CCSER1: variants seen among roughly 807,000 people sequenced by gnomAD.
The protein encoded by CCSER1 is coiled-coil serine rich protein 1.
In CCSER1, 41 loss-of-function variants were observed where a neutral mutation model predicts 82.0. The observed-to-expected ratio is 0.50, with a 90% confidence interval of 0.39 to 0.65. The LOEUF is 0.65. Among genes scored for constraint, CCSER1 ranks in the 30% least tolerant of loss-of-function variants. CCSER1 has a pLI of 0.00. For missense variants in CCSER1, 1,119 were observed against 1,064.2 expected (o/e 1.05, Z -0.72); for synonymous variants, 414 against 383.9 (o/e 1.08, Z -0.92).
chr4:91,306,681 A>G (rs190458094), intron 10 of CCSER1, among the ~76,000 whole-genome samples: 2 of 152,128 alleles, frequency 1.3e-5, no homozygotes, highest in East Asian at 3.9e-4. Context: ...ATTCTAAAAT[A>G]TTTGTCAACA....
chr4:90,274,329 A>C (rs1727142063), intron 1 of CCSER1, among the ~76,000 whole-genome samples: 1 of 152,158 alleles, frequency 6.6e-6, no homozygotes, highest in African/African-American at 2.4e-5. Context: ...GAGTTGTGGA[A>C]TACTGGACTT....
At chr4:91,341,471 A>T (rs1413958220) in intron 10 of CCSER1, among the ~76,000 whole-genome samples, 3 of 152,240 alleles carry the variant, frequency 2.0e-5, no homozygotes, top group African/African-American at 7.2e-5. Context: ...TAGAGAAAAA[A>T]ATTGAATACA....
At chr4:90,913,911 T>C (rs964559452) in intron 8 of CCSER1, among the ~76,000 whole-genome samples, 1 of 152,132 alleles carries the variant, frequency 6.6e-6, no homozygotes, top group Non-Finnish European at 1.5e-5. Flanking sequence ...CATTACATAA[T>C]GGTAAAGGGA....
intron 9 of CCSER1, among the ~76,000 whole-genome samples, chr4:91,026,292 A>C (rs1018113721): frequency 1.3e-5 from 2 of 152,000 alleles, no homozygotes; most frequent in Non-Finnish European, 1.5e-5. Flanking sequence ...TTTTTCTCCT[A>C]TGTCCATTGT....
chr4:90,889,689 C>G (rs1201497248), intron 8 of CCSER1, among the ~76,000 whole-genome samples: 1 of 152,094 alleles, frequency 6.6e-6, no homozygotes, highest in African/African-American at 2.4e-5. Flanking sequence ...GAATATTATT[C>G]AGCCTTAAGA....
chr4:91,258,629 ATTAT>A (rs1371720267), intron 10 of CCSER1, among the ~76,000 whole-genome samples: 1 of 152,114 alleles, frequency 6.6e-6, no homozygotes, highest in Non-Finnish European at 1.5e-5. Context: ...AGATATTGTG[ATTAT>A]TTGAGTTTGT....
intron 10 of CCSER1, among the ~76,000 whole-genome samples, chr4:91,508,192 A>G (rs1383235991): frequency 7.6e-6 from 1 of 132,294 alleles, no homozygotes; most frequent in East Asian, 2.3e-4. Context: ...TGATCTTGGA[A>G]GAAGAATTTA....
chr4:91,292,378 G>T (rs984644248), intron 10 of CCSER1, among the ~76,000 whole-genome samples: 2 of 151,830 alleles, frequency 1.3e-5, no homozygotes, highest in African/African-American at 4.8e-5. Flanking sequence ...AAAATTCAGG[G>T]TTCTGTTTTT....
At chr4:90,245,435 AG>A (rs1313729732) in intron 1 of CCSER1, among the ~76,000 whole-genome samples, 1 of 152,110 alleles carries the variant, frequency 6.6e-6, no homozygotes, top group Non-Finnish European at 1.5e-5. Flanking sequence ...TAGGATCTTT[AG>A]GCTTCCTTCT....
chr4:90,299,038 C>T (rs184386813), intron 1 of CCSER1, among the ~76,000 whole-genome samples: 87 of 152,088 alleles, frequency 5.7e-4, no homozygotes, highest in African/African-American at 1.7e-3. Context: ...AAGATTGTAT[C>T]TGGCTGAGTA....
chr4:90,463,229 T>C (rs1345239910), intron 4 of CCSER1, among the ~76,000 whole-genome samples: 1 of 152,190 alleles, frequency 6.6e-6, no homozygotes, highest in Non-Finnish European at 1.5e-5. Flanking sequence ...GAATAAAGAA[T>C]CCAGATGTAG....
rs557391710 is a variant in CCSER1, at chr4:90,275,850, T to C, written c.-41-32394T>C. 2.6e-5 allele frequency among the ~76,000 whole-genome samples: 4 copies of C among 152,298 alleles called. No individual in the cohort carries two copies. In the East Asian group the frequency reaches 7.7e-4, roughly 29 times the overall value. ...ATACAAGTGATGTCAAAATGATCTG[T>C]AAGGTTAACGAAATTCAGCAAAAGT... is the stretch of plus-strand genomic sequence containing the variant. On this transcript the variant is annotated intron_variant, in intron 1 of 10. Transcript: ENST00000509176.
intron 5 of CCSER1, among the ~76,000 whole-genome samples, chr4:90,551,706 C>CTCTATATATATATA: frequency 1.2e-4 from 13 of 104,240 alleles, no homozygotes; most frequent in African/African-American, 4.6e-4. Context: ...CTCTCTCTCT[C>CTCTATATATATATA]TATATATATA....
chr4:90,690,581 G>A (rs1399416), intron 6 of CCSER1, among the ~76,000 whole-genome samples: 4,608 of 151,922 alleles, frequency 0.03, 109 homozygotes, highest in East Asian at 0.049. Flanking sequence ...GTTCCTTTTG[G>A]CTTCTGCTTC....
intron 10 of CCSER1, among the ~76,000 whole-genome samples, chr4:91,550,781 TTGA>T (rs1395353653): frequency 2.6e-5 from 4 of 152,198 alleles, no homozygotes; most frequent in African/African-American, 9.6e-5. Context: ...TAATATATTA[TTGA>T]TATTAGAATT....
intron 1 of CCSER1, among the ~76,000 whole-genome samples, chr4:90,263,353 A>T (rs1358801768): frequency 3.3e-5 from 5 of 152,208 alleles, no homozygotes; most frequent in African/African-American, 1.2e-4. Flanking sequence ...GGCTATGTGA[A>T]CTGACTTTAA....
intron 10 of CCSER1, among the ~76,000 whole-genome samples, chr4:91,428,387 T>C (rs1271037020): frequency 6.6e-6 from 1 of 152,084 alleles, no homozygotes; most frequent in African/African-American, 2.4e-5. Flanking sequence ...GCAGTGGACA[T>C]GTGAACAAAT....
At chr4:91,405,279 C>T (rs1752625063) in intron 10 of CCSER1, among the ~76,000 whole-genome samples, 1 of 151,760 alleles carries the variant, frequency 6.6e-6, no homozygotes, top group Admixed American at 6.6e-5. Flanking sequence ...AAACCAGATC[C>T]CTTCCTTACA....
intron 5 of CCSER1, among the ~76,000 whole-genome samples, chr4:90,613,246 G>A (rs1010421952): frequency 4.6e-5 from 7 of 152,122 alleles, no homozygotes; most frequent in Non-Finnish European, 7.4e-5. Context: ...AAGCTAAACA[G>A]CACTCAAGTC....
Sources: allele counts gnomAD v4.1 joint callset (sites outside exome capture counted in the v4.1 genomes callset), GRCh38; gene constraint gnomAD v4.1.1; transcripts MANE v1.5; gene names NCBI Gene and HGNC (gene_info 2026-07-23, HGNC 2026-07-21).